The following RFC3 variants were observed in gnomAD, a reference collection of about 807,000 sequenced individuals.
RFC3 encodes the protein A1 38 kDa subunit.
A neutral mutation model predicts 45.1 loss-of-function variants in RFC3; 41 were observed. The observed-to-expected ratio is 0.91, with a 90% CI of 0.71 to 1.18. RFC3 has a LOEUF of 1.18. Among genes scored for constraint, RFC3 ranks in the 50% most tolerant of loss-of-function variants. RFC3 has a pLI of 0.00. For missense variants in RFC3, 423 were observed against 428.1 expected, an observed-to-expected ratio of 0.99 and a Z score of 0.10; for synonymous variants, 149 against 144.0, an observed-to-expected ratio of 1.03 and a Z score of -0.25.
chr13:33,946,719 G>C (rs2082956699), intron 8 of RFC3, among the ~76,000 whole-genome samples: 1 of 152,154 alleles, frequency 6.6e-6, no homozygotes, highest in South Asian at 2.1e-4. Flanking sequence ...AGAAAATCTG[G>C]CCTCACAGAT....
chr13:33,926,972 A>T (rs2082817963), intron 8 of RFC3, among the ~76,000 whole-genome samples: 1 of 151,946 alleles, frequency 6.6e-6, no homozygotes, highest in Non-Finnish European at 1.5e-5. Flanking sequence ...AAAAAAGTGA[A>T]AACATGAAAA....
chr13:33,888,516 G>T (rs185286000), intron 8 of RFC3, among the ~76,000 whole-genome samples: 3 of 152,118 alleles, frequency 2.0e-5, no homozygotes, highest in Non-Finnish European at 4.4e-5. Flanking sequence ...ACAATGCTGC[G>T]TTACTCTATG....
Position 33,831,428 on chromosome 13 carries a change from C to G in RFC3, c.809+74C>G. On this transcript the variant is annotated intron_variant, in intron 7 of 8. Transcript: ENST00000380071. ...TAGGACACATATTAACTATTTTATG[C>G]TAATGTCATTTTGAATTATAATTAA... is the stretch of plus-strand genomic sequence containing the variant. 5 of 762,894 alleles carry G rather than the reference C, an allele frequency of 6.6e-6. No homozygotes were observed. In the South Asian group the frequency reaches 8.2e-5, roughly 13 times the overall value. 47.3% of individuals were successfully genotyped at this position (762,894 alleles called of 1,614,324 possible). A position where few individuals can be genotyped will look rare whatever the true frequency, so the allele number is the denominator to read the frequency against.
At chr13:33,867,950 C>T (rs2082384186) in intron 8 of RFC3, among the ~76,000 whole-genome samples, 2 of 152,190 alleles carry the variant, frequency 1.3e-5, no homozygotes, top group Non-Finnish European at 2.9e-5. Flanking sequence ...TTTCAGGCCA[C>T]TGGCTACAGA....
At chr13:33,866,031 CCTGGG>C (rs1192257715) in intron 8 of RFC3, among the ~76,000 whole-genome samples, 1 of 152,146 alleles carries the variant, frequency 6.6e-6, no homozygotes, top group Non-Finnish European at 1.5e-5. Flanking sequence ...TGCACTCCAG[CCTGGG>C]CACAAGAGTG....
chr13:33,827,634 T>C (rs1051572540), intron 4 of RFC3, among the ~76,000 whole-genome samples: 3 of 152,236 alleles, frequency 2.0e-5, no homozygotes, highest in Non-Finnish European at 2.9e-5. Flanking sequence ...CCAATTACAG[T>C]TGAATTAACC....
intron 8 of RFC3, among the ~76,000 whole-genome samples, chr13:33,940,987 A>C (rs1393810015): frequency 6.6e-6 from 1 of 152,228 alleles, no homozygotes; most frequent in African/African-American, 2.4e-5. Context: ...AGAATCTCCG[A>C]CCCAACCCAC....
chr13:33,928,964 G>C (rs745548392), intron 8 of RFC3, among the ~76,000 whole-genome samples: 14 of 152,072 alleles, frequency 9.2e-5, no homozygotes, highest in African/African-American at 2.4e-5. Context: ...TTTTTCTACA[G>C]TATTATGCCA....
downstream of RFC3, among the ~76,000 whole-genome samples, chr13:33,842,449 C>T (rs75432571): frequency 8.1e-3 from 1,235 of 152,280 alleles, 10 homozygotes; most frequent in African/African-American, 0.029. Flanking sequence ...CTGCTACTTG[C>T]GTGTTAGTAA....
chr13:33,886,899 C>CT (rs1410490576), intron 8 of RFC3, among the ~76,000 whole-genome samples: 2 of 149,204 alleles, frequency 1.3e-5, no homozygotes, highest in African/African-American at 5.0e-5. Flanking sequence ...GTTTTTTGTT[C>CT]TTGCGATAGT....
chr13:33,836,613 G>A lies in RFC3; in HGVS notation c.*318G>A, dbSNP rs917263726. On this transcript the variant is annotated 3_prime_UTR_variant, in exon 9 of 9. Transcript: ENST00000380071. ...GTCTAATCTCTCACCTGCTAAAGGA[G>A]ATTTACACATTAGAAAGCAAAGATT... 8.8e-6 allele frequency: 9 copies of A among 1,021,888 alleles called. No individual in the cohort carries two copies. The highest frequency in any genetic ancestry group is 1.1e-5 in the Non-Finnish European group (9 of 853,310). The allele number at this position is 1,021,888 out of a possible 1,614,324, so 63.3% of individuals were successfully genotyped here.
At chr13:33,883,717 A>G (rs2082500739) in intron 8 of RFC3, among the ~76,000 whole-genome samples, 1 of 152,200 alleles carries the variant, frequency 6.6e-6, no homozygotes, top group Non-Finnish European at 1.5e-5. Flanking sequence ...TTTCAAAAAT[A>G]AAAAGTTATG....
intron 8 of RFC3, among the ~76,000 whole-genome samples, chr13:33,881,775 T>G (rs1283821900): frequency 6.6e-6 from 1 of 152,238 alleles, no homozygotes; most frequent in African/African-American, 2.4e-5. Context: ...TGATGGTTTG[T>G]ACTTTCTTTC....
At chr13:33,904,731 A>G (rs1031583316) in intron 8 of RFC3, among the ~76,000 whole-genome samples, 6 of 151,860 alleles carry the variant, frequency 4.0e-5, no homozygotes, top group Non-Finnish European at 8.8e-5. Flanking sequence ...TCTCGCCGCA[A>G]TTTCTTCCAC....
chr13:33,909,305 G>T (rs2082690362), intron 8 of RFC3, among the ~76,000 whole-genome samples: 1 of 151,956 alleles, frequency 6.6e-6, no homozygotes, highest in Non-Finnish European at 1.5e-5. Context: ...TGGGGCCTCT[G>T]AGGTAATGAG....
chr13:33,873,729 C>A (rs753982146), intron 8 of RFC3, among the ~76,000 whole-genome samples: 5 of 152,108 alleles, frequency 3.3e-5, no homozygotes, highest in Non-Finnish European at 5.9e-5. Context: ...TAGACCAGGC[C>A]CCTGTTGTTG....
At chr13:33,870,678 C>G (rs751889592) in intron 8 of RFC3, among the ~76,000 whole-genome samples, 8 of 152,154 alleles carry the variant, frequency 5.3e-5, no homozygotes, top group African/African-American at 1.4e-4. Context: ...GCCCATATGT[C>G]TGGCTAGAAC....
intron 2 of RFC3, among the ~76,000 whole-genome samples, chr13:33,823,422 AG>A (rs540200301): frequency 5.4e-4 from 82 of 152,288 alleles, no homozygotes; most frequent in Non-Finnish European, 8.5e-4. Context: ...TCCATGCCAT[AG>A]GTTGGTGTGT....
intron 8 of RFC3, among the ~76,000 whole-genome samples, chr13:33,878,204 G>A (rs1056189116): frequency 5.3e-5 from 8 of 152,106 alleles, no homozygotes; most frequent in African/African-American, 9.7e-5. Context: ...ATCAAGGGAC[G>A]TGTCTTTGTA....
Sources: allele counts gnomAD v4.1 joint callset (sites outside exome capture counted in the v4.1 genomes callset), GRCh38; gene constraint gnomAD v4.1.1; transcripts MANE v1.5; gene names NCBI Gene and HGNC (gene_info 2026-07-23, HGNC 2026-07-21).